Variants in ZFHX3 observed in about 807,000 individuals in gnomAD.
ZFHX3 encodes zinc finger homeobox 3.
ZFHX3 carries 42 observed loss-of-function variants against 279.1 expected under a neutral mutation model. That is an observed-to-expected ratio of 0.15 (90% CI 0.12 to 0.19). The LOEUF is 0.19. Ranked by LOEUF, ZFHX3 falls within the 10% of genes least tolerant of loss-of-function variation. The probability of loss-of-function intolerance (pLI) is 1.00; values close to 1 mark genes in which losing one functional copy is unlikely to be tolerated. For synonymous variants in ZFHX3, 2,293 were observed against 1,957.8 expected, an observed-to-expected ratio of 1.17 and a Z score of -4.52; for missense variants, 4,981 against 4,754.0, an observed-to-expected ratio of 1.05 and a Z score of -1.40.
intron 5 of ZFHX3, among the ~76,000 whole-genome samples, chr16:73,163,720 G>C (rs1967294583): frequency 6.6e-6 from 1 of 152,096 alleles, no homozygotes; most frequent in Admixed American, 6.6e-5. Context: ...CTTTTTAGAG[G>C]AAGTGAGGAA....
At chr16:73,539,433 CTTTTTTTTTTTTTT>C (rs1162434013) in intron 2 of ZFHX3, among the ~76,000 whole-genome samples, 1 of 65,086 alleles carries the variant, frequency 1.5e-5, no homozygotes, top group Non-Finnish European at 2.9e-5. Flanking sequence ...TCCTCTTCTT[CTTTTTTTTTTTTTT>C]TTTTTTTTTT....
At chr16:73,811,593 C>A (rs28672202) in intron 1 of ZFHX3, among the ~76,000 whole-genome samples, 2 of 151,822 alleles carry the variant, frequency 1.3e-5, no homozygotes, top group Non-Finnish European at 2.9e-5. Context: ...TACAGGCACG[C>A]GCGCCAACAC....
intron 3 of ZFHX3, among the ~76,000 whole-genome samples, chr16:73,429,794 C>T (rs1343813968): frequency 6.6e-6 from 1 of 152,210 alleles, no homozygotes. Context: ...CCAGGCTGCT[C>T]ACAGCTCCCT....
At chr16:73,771,021 A>G (rs138870753) in intron 1 of ZFHX3, among the ~76,000 whole-genome samples, 232 of 152,306 alleles carry the variant, frequency 1.5e-3, no homozygotes, top group Middle Eastern at 6.8e-3. Context: ...TGAGCAAGTC[A>G]CTTCACATCT....
intron 5 of ZFHX3, among the ~76,000 whole-genome samples, chr16:73,186,029 G>A (rs1967900552): frequency 6.6e-6 from 1 of 152,050 alleles, no homozygotes; most frequent in South Asian, 2.1e-4. Context: ...AGGGATCTAG[G>A]TTGCGCACTC....
chr16:73,202,617 G>A (rs1003730575), intron 5 of ZFHX3, among the ~76,000 whole-genome samples: 1 of 152,206 alleles, frequency 6.6e-6, no homozygotes, highest in Admixed American at 6.5e-5. Flanking sequence ...GAATTCCACA[G>A]CAGGAAGATG....
At chr16:73,374,941 G>C (rs1357085427) in intron 3 of ZFHX3, among the ~76,000 whole-genome samples, 7 of 152,184 alleles carry the variant, frequency 4.6e-5, no homozygotes, top group African/African-American at 1.7e-4. Flanking sequence ...TTTCTATCAA[G>C]GGATTTCATT....
chr16:73,473,365 A>AAAAAAAAAAAAAAAAAAAAAC (rs2018708335), intron 2 of ZFHX3, among the ~76,000 whole-genome samples: 4 of 130,178 alleles, frequency 3.1e-5, no homozygotes, highest in African/African-American at 9.2e-5. Flanking sequence ...AAACAAAAAA[A>AAAAAAAAAAAAAAAAAAAAAC]AAAAAAACAA....
At chr16:72,826,630 T>A (rs574280237) in intron 5 of ZFHX3, among the ~76,000 whole-genome samples, 1 of 152,208 alleles carries the variant, frequency 6.6e-6, no homozygotes, top group Non-Finnish European at 1.5e-5. Context: ...TCAGATACTA[T>A]AGACAAAATT....
intron 3 of ZFHX3, among the ~76,000 whole-genome samples, chr16:73,352,055 CA>C (rs2016251650): frequency 6.6e-6 from 1 of 152,220 alleles, no homozygotes; most frequent in South Asian, 2.1e-4. Flanking sequence ...TCAAAGACCA[CA>C]ATGTTCCTTC....
chr16:73,424,753 C>CAAAAAAAAAAAA (rs71156163), intron 3 of ZFHX3, among the ~76,000 whole-genome samples: 2 of 95,816 alleles, frequency 2.1e-5, no homozygotes, highest in Non-Finnish European at 3.7e-5. Context: ...TACCCTGTGT[C>CAAAAAAAAAAAA]AAAAAAAAAA....
chr16:73,127,431 C>G (rs1966588826), intron 7 of ZFHX3: 1 of 1,305,438 alleles, frequency 7.7e-7, no homozygotes, highest in African/African-American at 1.5e-5. Context: ...GCTGGAGCAT[C>G]TCTGTTCCGG....
chr16:73,168,988 T>C (rs899092621), intron 5 of ZFHX3, among the ~76,000 whole-genome samples: 1 of 152,212 alleles, frequency 6.6e-6, no homozygotes, highest in Admixed American at 6.5e-5. Context: ...TCAGCTTATA[T>C]TTCAGAATTA....
intron 4 of ZFHX3, among the ~76,000 whole-genome samples, chr16:72,866,737 T>G (rs1355331199): frequency 6.6e-6 from 1 of 151,644 alleles, no homozygotes; most frequent in African/African-American, 2.4e-5. Context: ...ACAAGCCCCT[T>G]TCACTATCCC....
At chr16:72,973,994 T>C (rs1479486343) in intron 1 of ZFHX3, among the ~76,000 whole-genome samples, 1 of 152,182 alleles carries the variant, frequency 6.6e-6, no homozygotes, top group African/African-American at 2.4e-5. Flanking sequence ...AATAGAAAGA[T>C]GAGTCTACTA....
intron 6 of ZFHX3, among the ~76,000 whole-genome samples, chr16:73,140,842 ACT>A (rs1168014446): frequency 1.3e-5 from 2 of 151,984 alleles, no homozygotes; most frequent in Non-Finnish European, 2.9e-5. Context: ...ACACAGTAAG[ACT>A]CTGTCCCAAA....
At chr16:73,712,133 C>T (rs1294136901) in intron 1 of ZFHX3, among the ~76,000 whole-genome samples, 1 of 151,190 alleles carries the variant, frequency 6.6e-6, no homozygotes, top group Non-Finnish European at 1.5e-5. Flanking sequence ...CCTAAGAAAA[C>T]CCCCGGTTCA....
intron 5 of ZFHX3, among the ~76,000 whole-genome samples, chr16:73,248,990 T>C (rs1202703849): frequency 6.6e-6 from 1 of 152,214 alleles, no homozygotes; most frequent in African/African-American, 2.4e-5. Flanking sequence ...TACGTTTTCA[T>C]TCACTTCAAA....
At chr16:73,292,692 G>A (rs780111211) in intron 4 of ZFHX3, among the ~76,000 whole-genome samples, 5 of 152,012 alleles carry the variant, frequency 3.3e-5, no homozygotes, top group Admixed American at 6.5e-5. Flanking sequence ...TGTGTGTGGC[G>A]GGAGCGGGCC....
Sources: allele counts gnomAD v4.1 joint callset (sites outside exome capture counted in the v4.1 genomes callset), GRCh38; gene constraint gnomAD v4.1.1; transcripts MANE v1.5; gene names NCBI Gene and HGNC (gene_info 2026-07-23, HGNC 2026-07-21).